The following MEMO1 variants were observed in gnomAD, a reference collection of about 807,000 sequenced individuals.
MEMO1 encodes protein MEMO1.
A neutral mutation model predicts 45.2 loss-of-function variants in MEMO1; 6 were observed. The ratio of observed to expected loss-of-function variants is 0.13; its 90% confidence interval spans 0.07 to 0.26. The LOEUF is 0.26. Ranked by LOEUF, MEMO1 falls within the 10% of genes least tolerant of loss-of-function variation. The pLI is 1.00. For synonymous variants in MEMO1, 78 were observed against 124.3 expected (o/e 0.63, Z 2.48); for missense variants, 184 against 370.5 (o/e 0.50, Z 4.13).
intron 4 of MEMO1, among the ~76,000 whole-genome samples, chr2:31,926,923 T>C (rs1038179410): frequency 6.6e-6 from 1 of 152,128 alleles, no homozygotes; most frequent in Non-Finnish European, 1.5e-5. Flanking sequence ...AATACCAGCA[T>C]TGAAAATATC....
At chr2:31,975,061 A>G (rs530648478) in intron 2 of MEMO1, among the ~76,000 whole-genome samples, 3 of 152,008 alleles carry the variant, frequency 2.0e-5, no homozygotes, top group Non-Finnish European at 4.4e-5. Context: ...AATCCCAGCT[A>G]CTCGGGAGGC....
At chr2:31,956,768 G>A (rs554986139) in intron 2 of MEMO1, among the ~76,000 whole-genome samples, 17 of 152,262 alleles carry the variant, frequency 1.1e-4, no homozygotes, top group African/African-American at 3.1e-4. Flanking sequence ...GGTACAATAC[G>A]TTGCCATTTT....
rs189656160 is a variant in MEMO1 at position 31,930,707 on chromosome 2, G to A, written c.212+1360C>T. On this transcript the variant is annotated intron_variant, in intron 4 of 9. Transcript: ENST00000404530. ...TGTTGCCAAGCTGGAGTGCGGTGGCGCGATCTTGGCTCACTGCAACCTCCA... is the reference window on the plus strand; with the variant it reads ...TGTTGCCAAGCTGGAGTGCGGTGGCACGATCTTGGCTCACTGCAACCTCCA... 1.5e-3 allele frequency among the ~76,000 whole-genome samples: 235 copies of A among 151,928 alleles called. 1 individual carries two copies. The East Asian group carries it at 0.032, about 21-fold the overall frequency.
rs1397896017 is a variant in MEMO1 at position 31,893,743 on chromosome 2, AG to A, written c.438-1610del. ...ATTGTTATGAAGTGAAGAACACTAT[AG>A]GAAAGGTACTTCGTCACAAGAGTTG... On this transcript the variant is annotated intron_variant, in intron 6 of 9. Coordinates refer to ENST00000404530, the MANE Select transcript of MEMO1 (RefSeq NM_001301833.4). Among the ~76,000 whole-genome samples the A allele has an allele frequency of 5.3e-5, 8 of 152,222 alleles. 1 individual carries two copies. The highest frequency in any genetic ancestry group is 1.0e-4 in the Non-Finnish European group (7 of 68,030).
intron 4 of MEMO1, among the ~76,000 whole-genome samples, chr2:31,922,647 G>A (rs1682490530): frequency 6.6e-6 from 1 of 151,910 alleles, no homozygotes. Context: ...CTACCCTCCA[G>A]TAGGTCTCGG....
intron 2 of MEMO1, among the ~76,000 whole-genome samples, chr2:31,988,247 G>C (rs182574111): frequency 6.6e-6 from 1 of 152,238 alleles, no homozygotes; most frequent in Non-Finnish European, 1.5e-5. Context: ...TTTCCCTGAA[G>C]GTTCAAAAGT....
chr2:31,871,518 C>CAT (rs34717368), intron 8 of MEMO1, among the ~76,000 whole-genome samples: 3 of 119,014 alleles, frequency 2.5e-5, no homozygotes, highest in African/African-American at 9.5e-5. Flanking sequence ...CACACACACA[C>CAT]ATATATATAT....
chr2:31,894,603 A>G (rs1677471843), intron 6 of MEMO1, among the ~76,000 whole-genome samples: 1 of 152,166 alleles, frequency 6.6e-6, no homozygotes, highest in African/African-American at 2.4e-5. Flanking sequence ...GGGGACTCCC[A>G]TAAGGTCCTA....
At chr2:31,907,925 T>G (rs1680006660) in intron 6 of MEMO1, among the ~76,000 whole-genome samples, 2 of 152,268 alleles carry the variant, frequency 1.3e-5, no homozygotes, top group South Asian at 4.1e-4. Flanking sequence ...ACATATAAAA[T>G]GCATTATTCT....
At chr2:31,919,646 C>T (rs1021797236) in intron 5 of MEMO1, among the ~76,000 whole-genome samples, 17 of 151,878 alleles carry the variant, frequency 1.1e-4, no homozygotes, top group Non-Finnish European at 2.1e-4. Flanking sequence ...TAGCAAGACC[C>T]TACCTCTACC....
At position 31,902,220 on chromosome 2, in the gene MEMO1, C is replaced by G. The variant is rs151114073; in HGVS notation, c.438-10086G>C. Among the ~76,000 whole-genome samples, 917 of 152,076 alleles carry G rather than the reference C, an allele frequency of 6.0e-3. 12 individuals are homozygous for G. The highest frequency in any genetic ancestry group is 0.021 in the African/African-American group (860 of 41,460). Reference sequence around the variant, plus strand: ...TCACTTAAGGCCAGGAGTTAGAGACCAGCCTGGCTCACATGGTGAAACCCC... The same window carrying G: ...TCACTTAAGGCCAGGAGTTAGAGACGAGCCTGGCTCACATGGTGAAACCCC... On this transcript the variant is annotated intron_variant, in intron 6 of 9. Transcript: ENST00000404530.
intron 8 of MEMO1, among the ~76,000 whole-genome samples, chr2:31,881,950 G>A (rs1675442389): frequency 6.6e-6 from 1 of 152,152 alleles, no homozygotes; most frequent in South Asian, 2.1e-4. Context: ...TCTGAGACCA[G>A]CCTGGGCAAC....
At chr2:31,933,983 T>C (rs1664607615) in intron 3 of MEMO1, among the ~76,000 whole-genome samples, 1 of 152,214 alleles carries the variant, frequency 6.6e-6, no homozygotes, top group African/African-American at 2.4e-5. Context: ...CACTGCTCAC[T>C]GCTTCAGACT....
At chr2:31,926,250 C>T (rs1683089260) in intron 4 of MEMO1, among the ~76,000 whole-genome samples, 1 of 151,850 alleles carries the variant, frequency 6.6e-6, no homozygotes, top group African/African-American at 2.4e-5. Context: ...CACAGGCTGG[C>T]AGTCCTAGCT....
chr2:31,946,616 C>A (rs1666227752), intron 2 of MEMO1, among the ~76,000 whole-genome samples: 1 of 152,156 alleles, frequency 6.6e-6, no homozygotes, highest in Non-Finnish European at 1.5e-5. Flanking sequence ...AATCCCAGCA[C>A]TTTGGGAGGC....
intron 2 of MEMO1, among the ~76,000 whole-genome samples, chr2:31,954,017 T>C (rs1667134950): frequency 6.6e-6 from 1 of 152,182 alleles, no homozygotes; most frequent in African/African-American, 2.4e-5. Flanking sequence ...AAGACAAAAG[T>C]ATTTTGACTT....
chr2:31,964,434 C>T (rs1308926479), intron 2 of MEMO1, among the ~76,000 whole-genome samples: 7 of 152,146 alleles, frequency 4.6e-5, no homozygotes, highest in African/African-American at 7.2e-5. Flanking sequence ...CGGTGGCTCA[C>T]GCCTGTAATT....
intron 2 of MEMO1, among the ~76,000 whole-genome samples, chr2:31,991,600 A>G (rs2148548450): frequency 6.6e-6 from 1 of 151,864 alleles, no homozygotes; most frequent in South Asian, 2.1e-4. Flanking sequence ...CAACACACAC[A>G]GGAATGTATA....
chr2:31,945,609 A>G (rs1338235392), intron 2 of MEMO1, among the ~76,000 whole-genome samples: 1 of 152,134 alleles, frequency 6.6e-6, no homozygotes, highest in East Asian at 1.9e-4. Flanking sequence ...TCTTTGTAAA[A>G]CCCTAGCCAG....
Sources: allele counts gnomAD v4.1 joint callset (sites outside exome capture counted in the v4.1 genomes callset), GRCh38; gene constraint gnomAD v4.1.1; transcripts MANE v1.5; gene names NCBI Gene and HGNC (gene_info 2026-07-23, HGNC 2026-07-21).